SLC28A3: variants seen among roughly 807,000 people sequenced by gnomAD.
SLC28A3 encodes concentrative Na(+)-nucleoside cotransporter 3.
In SLC28A3, 68 loss-of-function variants were observed where a neutral mutation model predicts 84.2. The observed-to-expected ratio is 0.81, with a 90% CI of 0.66 to 0.99. The LOEUF (loss-of-function observed/expected upper bound fraction) is 0.99, where lower values mean the gene tolerates loss of function less well. SLC28A3 is among the 50% of genes least tolerant of loss of function. The probability of loss-of-function intolerance (pLI) is 0.00; values close to 1 mark genes in which losing one functional copy is unlikely to be tolerated. For missense variants in SLC28A3, 712 were observed against 841.5 expected (o/e 0.85, Z 1.90); for synonymous variants, 267 against 303.6 (o/e 0.88, Z 1.25).
chr9:84,357,050 T>C, the SLC28A3 span, among the ~76,000 whole-genome samples: 1 of 152,180 alleles, frequency 6.6e-6, no homozygotes, highest in Non-Finnish European at 1.5e-5. Context: ...CATTCATTTA[T>C]GCCATTGGTT....
chr9:84,283,921 GA>G (rs1824871197), intron 14 of SLC28A3, among the ~76,000 whole-genome samples: 1 of 152,114 alleles, frequency 6.6e-6, no homozygotes, highest in Admixed American at 6.5e-5. Flanking sequence ...TAGAAATTTG[GA>G]GAAACAAAAT....
chr9:84,313,390 A>C lies in SLC28A3; in HGVS notation c.125T>G (p.Val42Gly). ...SGNNSIRSRA[V>G]QSREHTNTKQ... is the part of the protein sequence containing the mutation. ...GGTGTTTGTGTGCTCCCTGCTTTGC[A>C]CAGCTCTGCTTCTTATTGAGTTGTT... The change falls in exon 2 of 18, where the codon GTG becomes GGG. Residue 42 changes from valine to glycine, a missense_variant. Coordinates refer to ENST00000376238, the MANE Select transcript of SLC28A3 (RefSeq NM_001199633.2). 1 of 1,614,088 alleles carries C rather than the reference A, an allele frequency of 6.2e-7. No homozygotes were observed. The highest frequency in any genetic ancestry group is 8.5e-7 in the Non-Finnish European group (1 of 1,179,980).
At chr9:84,328,483 G>T (rs1197529535) in intron 1 of SLC28A3, among the ~76,000 whole-genome samples, 2 of 152,136 alleles carry the variant, frequency 1.3e-5, no homozygotes, top group East Asian at 1.9e-4. Context: ...GTTAGGCAGG[G>T]TGTGGTGGCT....
rs747637666 is a variant in SLC28A3, at chr9:84,299,682, C to G, written c.568G>C (p.Ala190Pro). The change falls in exon 6 of 18, where the codon GCC (alanine) becomes CCC (proline). Residue 190 changes from alanine (A) to proline (P), a missense_variant. Ala to Pro is a conservative substitution (Grantham distance 27). Transcript: ENST00000376238. ...SLVLAVIFWLAFDTAKLGQQQ... is the reference protein window; with the variant it reads ...SLVLAVIFWLPFDTAKLGQQQ... ...TGACCCAATTTGGCAGTGTCAAAGG[C>G]CAACCAGAAAATAACTGCTAGGACC... 1.2e-6 allele frequency: 2 copies of G among 1,612,256 alleles called. No homozygotes were observed. The highest frequency in any genetic ancestry group is 2.7e-5 in the African/African-American group (2 of 74,740).
At chr9:84,294,527 G>T (rs1157027949) in intron 8 of SLC28A3, among the ~76,000 whole-genome samples, 3 of 152,198 alleles carry the variant, frequency 2.0e-5, no homozygotes, top group Non-Finnish European at 4.4e-5. Flanking sequence ...AGTTTGGGGG[G>T]ATTTGTAATA....
chr9:84,326,478 G>A (rs1445771826), intron 1 of SLC28A3, among the ~76,000 whole-genome samples: 2 of 152,144 alleles, frequency 1.3e-5, no homozygotes, highest in Non-Finnish European at 2.9e-5. Context: ...AAACCTCCCT[G>A]CAGCCTACTC....
intron 5 of SLC28A3, among the ~76,000 whole-genome samples, 164 bp downstream of exon 5, chr9:84,302,036 T>C (rs957131181): frequency 6.6e-6 from 1 of 152,206 alleles, no homozygotes; most frequent in African/African-American, 2.4e-5. Flanking sequence ...TAGGCTTTGA[T>C]TTCCTGTTTG....
Position 84,302,402 on chromosome 9 carries a change from C to T in SLC28A3, c.335-13G>A. 6.2e-7 allele frequency: 1 copy of T among 1,609,864 alleles called. No individual in the cohort carries two copies. Among genetic ancestry groups the T allele is most frequent in the Non-Finnish European group, 8.5e-7 (1 of 1,178,434 alleles). ...ATAACCAGATAACCTGTCCAGGAAG[C>T]AAAAACAGACACTGAACATCACTAA... On this transcript the variant is annotated splice_polypyrimidine_tract_variant and intron_variant, in intron 4 of 17. Transcript: ENST00000376238.
intron 1 of SLC28A3, among the ~76,000 whole-genome samples, chr9:84,327,012 A>C (rs377391298): frequency 1.3e-5 from 2 of 151,986 alleles, no homozygotes; most frequent in African/African-American, 4.8e-5. Flanking sequence ...TGTCTCAAAA[A>C]ACAAAAACAA....
chr9:84,357,299 G>A, the SLC28A3 span, among the ~76,000 whole-genome samples: 1 of 152,168 alleles, frequency 6.6e-6, no homozygotes, highest in African/African-American at 2.4e-5. Flanking sequence ...TAGGTGCACA[G>A]CCTGTGAAAT....
upstream of SLC28A3, among the ~76,000 whole-genome samples, chr9:84,344,187 T>A (rs948903253): frequency 3.1e-5 from 4 of 130,308 alleles, no homozygotes; most frequent in Non-Finnish European, 6.1e-5. Flanking sequence ...TCATATGGGT[T>A]TTTTTTTTTT....
At chr9:84,293,218 C>T (rs534978123) in intron 9 of SLC28A3, among the ~76,000 whole-genome samples, 1 of 152,304 alleles carries the variant, frequency 6.6e-6, no homozygotes, top group East Asian at 1.9e-4. Context: ...CCATATGTAG[C>T]AGGATGTATT....
chr9:84,280,013 G>T lies in SLC28A3; in HGVS notation c.1790C>A (p.Ala597Glu). The T allele has an allele frequency of 6.2e-7, 1 of 1,613,916 alleles. No individual in the cohort carries two copies. The highest frequency in any genetic ancestry group is 8.5e-7 in the Non-Finnish European group (1 of 1,179,980). The change falls in exon 16 of 18, where the codon GCG (alanine) becomes GAG (glutamate). Residue 597 changes from alanine (A) to glutamate (E), a missense_variant. By Grantham distance (107) the Ala-to-Glu change is moderately radical. Transcript: ENST00000376238. The part of the protein sequence containing the change: ...IASGAVRALI[A>E]GTVACFMTAC... Reference sequence around the variant, plus strand: ...TGTCATGAAGCAGGCCACGGTCCCCGCAATCAGAGCTCTCACTGCCCCCGA... The same window carrying T: ...TGTCATGAAGCAGGCCACGGTCCCCTCAATCAGAGCTCTCACTGCCCCCGA...
chr9:84,304,123 A>T (rs1040535312), intron 4 of SLC28A3, among the ~76,000 whole-genome samples: 7 of 152,246 alleles, frequency 4.6e-5, no homozygotes, highest in African/African-American at 1.4e-4. Context: ...CTAGAAATAA[A>T]GTTGTTTTGG....
At chr9:84,283,110 C>G (rs1034577756) in intron 14 of SLC28A3, among the ~76,000 whole-genome samples, 3 of 152,264 alleles carry the variant, frequency 2.0e-5, no homozygotes, top group East Asian at 3.8e-4. Context: ...GAGCTTCAAA[C>G]TCCTCTTTCC....
chr9:84,331,802 T>A (rs1033346098), intron 1 of SLC28A3, among the ~76,000 whole-genome samples: 2 of 152,218 alleles, frequency 1.3e-5, no homozygotes, highest in Non-Finnish European at 2.9e-5. Context: ...TTAGAAATTC[T>A]GAACTGTTTT....
Position 84,297,713 on chromosome 9 carries a change from C to T in SLC28A3, c.783+193G>A, listed in dbSNP as rs3812511. ...AGGGAACGATGACATAGGTACAGAA[C>T]AGCAGTAGTGTTAACAAACCAGACA... On this transcript the variant is annotated intron_variant, in intron 7 of 17. Transcript: ENST00000376238. 1.5e-3 allele frequency among the ~76,000 whole-genome samples: 226 copies of T among 152,312 alleles called. 4 individuals are homozygous for T. The East Asian group carries it at 0.035, about 24-fold the overall frequency.
At position 84,285,407 on chromosome 9, in the gene SLC28A3, A is replaced by G. The variant is rs1025067244; in HGVS notation, c.1585T>C (p.Trp529Arg). 2 of 1,614,052 alleles carry G rather than the reference A, an allele frequency of 1.2e-6. No individual in the cohort carries two copies. The highest frequency in any genetic ancestry group is 1.7e-6 in the Non-Finnish European group (2 of 1,180,016). ...CCACCTTCTTTCCTCAAGTGGATCC[A>G]TTTTGAGAGGTGCTCATAAGCCACA... ...EFVAYEHLSKWIHLRKEGGPK... is the reference protein window; with the variant it reads ...EFVAYEHLSKRIHLRKEGGPK... Residue 529 changes from tryptophan to arginine, a missense_variant, in exon 14 of 18, where the codon TGG becomes CGG. Transcript: ENST00000376238.
At chr9:84,326,442 C>G (rs1826551028) in intron 1 of SLC28A3, among the ~76,000 whole-genome samples, 1 of 152,156 alleles carries the variant, frequency 6.6e-6, no homozygotes, top group African/African-American at 2.4e-5. Context: ...TGATTCTATC[C>G]TAACTGAAGT....
Sources: allele counts gnomAD v4.1 joint callset (sites outside exome capture counted in the v4.1 genomes callset), GRCh38; gene constraint gnomAD v4.1.1; transcripts MANE v1.5; gene names NCBI Gene and HGNC (gene_info 2026-07-23, HGNC 2026-07-21).